Variants in AGBL1 observed in about 807,000 individuals in gnomAD.
The protein encoded by AGBL1 is cytosolic carboxypeptidase 4.
AGBL1 carries 130 observed loss-of-function variants against 118.9 expected under a neutral mutation model. The ratio of observed to expected loss-of-function variants is 1.09; its 90% CI spans 0.95 to 1.26. AGBL1 has a LOEUF of 1.26. Among genes scored for constraint, AGBL1 ranks in the 50% most tolerant of loss-of-function variants. The pLI, the probability that AGBL1 is intolerant of heterozygous loss-of-function variation, is 0.00. For synonymous variants in AGBL1, 555 were observed against 478.9 expected (o/e 1.16, Z -2.08); for missense variants, 1,584 against 1,298.1 (o/e 1.22, Z -3.38).
intron 18 of AGBL1, among the ~76,000 whole-genome samples, chr15:86,509,733 G>A (rs1489390924): frequency 6.6e-6 from 1 of 151,944 alleles, no homozygotes; most frequent in Admixed American, 6.6e-5. Flanking sequence ...CCTTATTTAT[G>A]TCACTGACAC....
At chr15:86,341,940 A>C (rs554093817) in intron 17 of AGBL1, among the ~76,000 whole-genome samples, 1 of 152,244 alleles carries the variant, frequency 6.6e-6, no homozygotes, top group East Asian at 1.9e-4. Flanking sequence ...AGTGAATAAG[A>C]TATTATTCAG....
chr15:87,007,889 T>C lies in AGBL1; in HGVS notation c.3323+19801T>C, dbSNP rs539961225. On this transcript the variant is annotated intron_variant, in intron 24 of 24. Transcript: ENST00000441037. ...GGCAATTCCTTGTAACAACCTGCCATGATAGTGGACTCCGAATGATATTTG... is the reference window on the plus strand; with the variant it reads ...GGCAATTCCTTGTAACAACCTGCCACGATAGTGGACTCCGAATGATATTTG... Among the ~76,000 whole-genome samples the C allele has an allele frequency of 2.6e-5, 4 of 152,320 alleles. No homozygotes were observed. The East Asian group carries it at 7.7e-4, about 29-fold the overall frequency.
intron 22 of AGBL1, among the ~76,000 whole-genome samples, chr15:86,831,289 C>T: frequency 6.6e-6 from 1 of 152,310 alleles, no homozygotes; most frequent in East Asian, 1.9e-4. Flanking sequence ...CATATCCTCA[C>T]ATTTCAAAAC....
chr15:86,452,252 A>G (rs1486208511), intron 18 of AGBL1, among the ~76,000 whole-genome samples: 1 of 152,180 alleles, frequency 6.6e-6, no homozygotes, highest in Admixed American at 6.5e-5. Context: ...AAGTGGCCAC[A>G]TGTTTGTCCC....
chr15:86,861,398 T>C (rs2079557404), intron 22 of AGBL1, among the ~76,000 whole-genome samples: 1 of 152,202 alleles, frequency 6.6e-6, no homozygotes, highest in African/African-American at 2.4e-5. Context: ...CAGTTTCTCA[T>C]TTAATTCTCA....
At chr15:86,764,977 A>G (rs1596461383) in intron 22 of AGBL1, among the ~76,000 whole-genome samples, 1 of 152,118 alleles carries the variant, frequency 6.6e-6, no homozygotes, top group East Asian at 1.9e-4. Context: ...AGGCATTTCC[A>G]TTGCAGGTGG....
At chr15:86,775,659 C>G (rs971371054) in intron 22 of AGBL1, among the ~76,000 whole-genome samples, 28 of 152,102 alleles carry the variant, frequency 1.8e-4, no homozygotes, top group African/African-American at 6.3e-4. Flanking sequence ...ATACTTGGAC[C>G]TTTTCTTCAG....
At chr15:86,102,086 G>A (rs1399904285) in intron 1 of AGBL1, among the ~76,000 whole-genome samples, 1 of 150,686 alleles carries the variant, frequency 6.6e-6, no homozygotes, top group South Asian at 2.1e-4. Flanking sequence ...TCTTGCCCAG[G>A]CTGGAGTGCA....
At chr15:87,020,139 A>G (rs2081649216) in intron 24 of AGBL1, among the ~76,000 whole-genome samples, 1 of 152,124 alleles carries the variant, frequency 6.6e-6, no homozygotes, top group Admixed American at 6.6e-5. Context: ...CAATCAAAAA[A>G]AGCCCAGGAC....
At chr15:86,570,907 C>A (rs558401270) in intron 21 of AGBL1, among the ~76,000 whole-genome samples, 1 of 152,216 alleles carries the variant, frequency 6.6e-6, no homozygotes, top group South Asian at 2.1e-4. Flanking sequence ...CCCATGCCTG[C>A]CAAGGGAGAG....
intron 22 of AGBL1, among the ~76,000 whole-genome samples, chr15:86,884,442 A>C (rs1023898456): frequency 6.6e-6 from 1 of 152,238 alleles, no homozygotes; most frequent in Non-Finnish European, 1.5e-5. Context: ...ACCGAGGTTG[A>C]CCTCATGTAA....
intron 22 of AGBL1, among the ~76,000 whole-genome samples, chr15:86,676,223 G>T (rs1304294089): frequency 6.6e-6 from 1 of 152,110 alleles, no homozygotes; most frequent in Non-Finnish European, 1.5e-5. Flanking sequence ...AGTTTGGCAG[G>T]CATGGAGTTT....
intron 17 of AGBL1, among the ~76,000 whole-genome samples, chr15:86,366,940 C>T (rs1427382091): frequency 6.6e-6 from 1 of 152,160 alleles, no homozygotes; most frequent in African/African-American, 2.4e-5. Context: ...GGCTTGTGGA[C>T]CATGCTTAGA....
intron 18 of AGBL1, among the ~76,000 whole-genome samples, chr15:86,421,683 C>T (rs958162703): frequency 6.6e-5 from 10 of 152,128 alleles, no homozygotes; most frequent in African/African-American, 1.7e-4. Context: ...CAAGACCAAT[C>T]GGTGTGCTGT....
At chr15:86,904,537 A>G (rs941946328) in intron 22 of AGBL1, among the ~76,000 whole-genome samples, 1 of 149,340 alleles carries the variant, frequency 6.7e-6, no homozygotes, top group African/African-American at 2.4e-5. Flanking sequence ...AAATTTATAT[A>G]TATGTTTATA....
intron 9 of AGBL1, among the ~76,000 whole-genome samples, chr15:86,262,071 T>G: frequency 7.3e-6 from 1 of 136,640 alleles, no homozygotes; most frequent in Non-Finnish European, 1.6e-5. Context: ...GGCCTATGCA[T>G]AGCTGGCTTT....
At position 86,284,220 on chromosome 15, in the gene AGBL1, T is replaced by G. The variant is rs554850787; in HGVS notation, c.2220+4437T>G. ...AAAAAAAAAACAAATGGAAGACCCC[T>G]CCTCAAAAATTACAAAGGCTACTGA... is the stretch of plus-strand genomic sequence containing the variant. On this transcript the variant is annotated intron_variant, in intron 16 of 22. Transcript: ENST00000614907. Among the ~76,000 whole-genome samples the G allele has an allele frequency of 8.4e-4, 127 of 151,324 alleles. 3 individuals carry two copies. The South Asian group carries it at 0.025, about 29-fold the overall frequency.
intron 17 of AGBL1, among the ~76,000 whole-genome samples, chr15:86,365,534 C>T (rs546616293): frequency 6.6e-6 from 1 of 152,132 alleles, no homozygotes; most frequent in Non-Finnish European, 1.5e-5. Flanking sequence ...AGCCCTGTCT[C>T]GGAGAGTGGG....
chr15:86,438,190 G>T (rs1418582510), intron 18 of AGBL1, among the ~76,000 whole-genome samples: 12 of 152,154 alleles, frequency 7.9e-5, no homozygotes, highest in Admixed American at 7.9e-4. Context: ...ACAGGTGTGA[G>T]CCACTGCACC....
Sources: gnomAD v4.1 joint callset for allele counts (sites outside exome capture counted in the v4.1 genomes callset) on GRCh38, gnomAD v4.1.1 for gene constraint, MANE v1.5 for transcripts, NCBI Gene and HGNC (gene_info 2026-07-23, HGNC 2026-07-21) for gene names.